The following KIAA1549L variants were observed in gnomAD, a reference collection of about 807,000 sequenced individuals.
KIAA1549L encodes KIAA1549 like.
A neutral mutation model predicts 160.7 loss-of-function variants in KIAA1549L; 88 were observed. The observed-to-expected ratio is 0.55, with a 90% CI of 0.46 to 0.65. KIAA1549L has a LOEUF of 0.65. Ranked by LOEUF, KIAA1549L falls within the 30% of genes least tolerant of loss-of-function variation. KIAA1549L has a pLI of 0.00. For missense variants in KIAA1549L, 2,258 were observed against 2,437.5 expected (o/e 0.93, Z 1.55); for synonymous variants, 950 against 976.7 (o/e 0.97, Z 0.51).
At chr11:33,634,173 G>A (rs545569923) in intron 16 of KIAA1549L, among the ~76,000 whole-genome samples, 3 of 152,078 alleles carry the variant, frequency 2.0e-5, no homozygotes, top group Admixed American at 6.6e-5. Flanking sequence ...CTCCTGAGTA[G>A]CTGGGATTAC....
intron 1 of KIAA1549L, among the ~76,000 whole-genome samples, chr11:33,464,437 G>A (rs892613987): frequency 1.8e-4 from 28 of 151,360 alleles, no homozygotes. Flanking sequence ...CAACAGTCAC[G>A]CATCATAGGC....
Position 33,545,222 on chromosome 11 carries a change from T to C in KIAA1549L, c.3229T>C (p.Ser1077Pro). The C allele has an allele frequency of 1.2e-6, 2 of 1,613,948 alleles. No individual in the cohort carries two copies. The highest frequency in any genetic ancestry group is 1.7e-6 in the Non-Finnish European group (2 of 1,179,878). The part of the protein sequence containing the change: ...RPLTVTAALT[S>P]ITASVKATRL... ...ACTGACAGTCACGGCCGCGCTGACA[T>C]CCATTACAGCCTCAGTGAAGGCCAC... The change falls in exon 3 of 21, where the codon TCC (serine) becomes CCC (proline). Residue 1077 changes from serine (S) to proline (P), a missense_variant. Ser to Pro is a moderately conservative substitution (Grantham distance 74). Transcript: ENST00000658780.
At chr11:33,644,139 A>G (rs1435852167) in intron 16 of KIAA1549L, among the ~76,000 whole-genome samples, 1 of 152,218 alleles carries the variant, frequency 6.6e-6, no homozygotes, top group Non-Finnish European at 1.5e-5. Context: ...TAAATTACTT[A>G]CTGTAGATGT....
intron 1 of KIAA1549L, among the ~76,000 whole-genome samples, chr11:33,491,025 G>A (rs748647808): frequency 2.6e-5 from 4 of 152,124 alleles, no homozygotes; most frequent in East Asian, 1.9e-4. Context: ...TTCCTCTTAC[G>A]TTGCACTGTA....
At chr11:33,520,061 A>G (rs1047068742) in intron 1 of KIAA1549L, among the ~76,000 whole-genome samples, 2 of 151,914 alleles carry the variant, frequency 1.3e-5, no homozygotes, top group African/African-American at 4.8e-5. Context: ...CCATCAAACC[A>G]TCATCACTAT....
At chr11:33,471,236 A>G (rs1324354448) in intron 1 of KIAA1549L, among the ~76,000 whole-genome samples, 1 of 149,738 alleles carries the variant, frequency 6.7e-6, no homozygotes, top group South Asian at 2.1e-4. Context: ...TTTTTTTTCA[A>G]CATTCTCAGA....
At chr11:33,412,279 A>G (rs543302081) in intron 1 of KIAA1549L, among the ~76,000 whole-genome samples, 1 of 152,348 alleles carries the variant, frequency 6.6e-6, no homozygotes, top group South Asian at 2.1e-4. Context: ...TTTATCCAAC[A>G]TTATGTCCAG....
intron 6 of KIAA1549L, among the ~76,000 whole-genome samples, chr11:33,553,108 G>A (rs1485159176): frequency 6.6e-6 from 1 of 152,114 alleles, no homozygotes; most frequent in African/African-American, 2.4e-5. Flanking sequence ...TTTATTGGGG[G>A]ACAGGATTTT....
intron 13 of KIAA1549L, among the ~76,000 whole-genome samples, chr11:33,599,761 T>C (rs910579177): frequency 2.9e-4 from 44 of 152,198 alleles, no homozygotes; most frequent in Non-Finnish European, 2.1e-4. Flanking sequence ...CCGTGTGTGA[T>C]GCTGGTTTAC....
chr11:33,537,104 C>T (rs1459041187), intron 1 of KIAA1549L, among the ~76,000 whole-genome samples: 1 of 152,222 alleles, frequency 6.6e-6, no homozygotes. Flanking sequence ...TTATCAGTTC[C>T]TTGTACTCGT....
At chr11:33,494,959 T>A (rs1480414913) in intron 1 of KIAA1549L, among the ~76,000 whole-genome samples, 3 of 152,200 alleles carry the variant, frequency 2.0e-5, no homozygotes, top group African/African-American at 7.2e-5. Flanking sequence ...GCGTTCTTTG[T>A]TAAGTGCTAA....
rs2615902 is a variant in KIAA1549L, at chr11:33,435,802, A to G, written c.238+58913A>G. On this transcript the variant is annotated intron_variant, in intron 1 of 20. Transcript: ENST00000658780. The stretch of plus-strand genomic sequence containing the variant: ...TATATATATATATATATATATATAT[A>G]TATATATATGTGTGTGTATATATAT... 3.8e-3 allele frequency among the ~76,000 whole-genome samples: 62 copies of G among 16,464 alleles called. 1 individual carries two copies. Among genetic ancestry groups the G allele is most frequent in the African/African-American group, 5.9e-3 (15 of 2,540 alleles). The allele number at this position is 16,464 out of a possible 152,430, so 10.8% of individuals were successfully genotyped here.
intron 10 of KIAA1549L, among the ~76,000 whole-genome samples, chr11:33,578,248 G>C (rs1252174084): frequency 1.3e-5 from 2 of 152,148 alleles, no homozygotes; most frequent in African/African-American, 4.8e-5. Flanking sequence ...TTTTCGGAGT[G>C]AGAGTCTGGG....
chr11:33,388,824 C>T (rs1014259324), intron 1 of KIAA1549L, among the ~76,000 whole-genome samples: 9 of 152,216 alleles, frequency 5.9e-5, no homozygotes, highest in Non-Finnish European at 1.2e-4. Context: ...CTAGACGATA[C>T]TTCTGCAGAC....
In KIAA1549L at chr11:33,378,858, C is replaced by A. The variant is rs2615895; in HGVS notation, c.238+1969C>A. 1.9e-3 allele frequency among the ~76,000 whole-genome samples: 295 copies of A among 152,252 alleles called. 1 individual carries two copies. Among genetic ancestry groups the A allele is most frequent in the African/African-American group, 7.0e-3 (291 of 41,536 alleles). The stretch of plus-strand genomic sequence containing the variant: ...CTGCTCTCATTTGTTCTCTGATTTC[C>A]ACTGGAGGCAGTTTCACCCCAGGGT... On this transcript the variant is annotated intron_variant, in intron 1 of 20. Coordinates refer to ENST00000658780, the MANE Select transcript of KIAA1549L (RefSeq NM_012194.3).
chr11:33,452,408 C>T (rs1447249183), intron 1 of KIAA1549L, among the ~76,000 whole-genome samples: 1 of 152,158 alleles, frequency 6.6e-6, no homozygotes, highest in Non-Finnish European at 1.5e-5. Flanking sequence ...GAGATCGAGA[C>T]CATCCTGGCT....
chr11:33,471,813 G>C (rs145106135), intron 1 of KIAA1549L, among the ~76,000 whole-genome samples: 56 of 152,368 alleles, frequency 3.7e-4, no homozygotes, highest in African/African-American at 1.3e-3. Context: ...GGCAGGAACA[G>C]AGCCAGGTTT....
At chr11:33,654,763 G>A (rs1261786526) in intron 17 of KIAA1549L, among the ~76,000 whole-genome samples, 3 of 152,212 alleles carry the variant, frequency 2.0e-5, no homozygotes, top group Non-Finnish European at 4.4e-5. Context: ...GCTGAGGTGT[G>A]GGGTAGGGGA....
chr11:33,640,304 G>A (rs957495922), intron 16 of KIAA1549L, among the ~76,000 whole-genome samples: 1 of 152,130 alleles, frequency 6.6e-6, no homozygotes, highest in African/African-American at 2.4e-5. Context: ...TTTTATATGT[G>A]AGAAGGCAAA....
Sources: allele counts gnomAD v4.1 joint callset (sites outside exome capture counted in the v4.1 genomes callset), GRCh38; gene constraint gnomAD v4.1.1; transcripts MANE v1.5; gene names NCBI Gene and HGNC (gene_info 2026-07-23, HGNC 2026-07-21).